Variants in KBTBD12 observed in about 807,000 individuals in gnomAD.
KBTBD12 encodes kelch repeat and BTB domain containing 12.
In KBTBD12, 53 loss-of-function variants were observed where a neutral mutation model predicts 58.7. That is an observed-to-expected ratio of 0.90 (90% CI 0.72 to 1.14). The LOEUF is 1.14. Ranked by LOEUF, KBTBD12 falls within the 50% of genes most tolerant of loss-of-function variation. KBTBD12 has a pLI of 0.00. For synonymous variants in KBTBD12, 236 were observed against 259.8 expected (o/e 0.91, Z 0.88); for missense variants, 704 against 751.3 (o/e 0.94, Z 0.74).
intron 5 of KBTBD12, among the ~76,000 whole-genome samples, chr3:127,966,378 A>G (rs191375215): frequency 5.3e-5 from 8 of 152,376 alleles, no homozygotes; most frequent in Non-Finnish European, 7.3e-5. Flanking sequence ...GAGGAAGTGC[A>G]TAGATGAAAG....
chr3:127,931,288 C>A (rs967888773), intron 4 of KBTBD12, among the ~76,000 whole-genome samples: 8 of 152,074 alleles, frequency 5.3e-5, no homozygotes, highest in Admixed American at 1.3e-4. Flanking sequence ...TGCACTCAAG[C>A]ATTAGTAGTT....
chr3:127,936,022 A>G (rs1456012523), intron 4 of KBTBD12, among the ~76,000 whole-genome samples: 6 of 152,196 alleles, frequency 3.9e-5, no homozygotes, highest in Admixed American at 3.9e-4. Flanking sequence ...AAATATATCA[A>G]TTATAAACGT....
chr3:127,941,694 G>A (rs529329437), intron 4 of KBTBD12, among the ~76,000 whole-genome samples: 7 of 152,158 alleles, frequency 4.6e-5, no homozygotes, highest in African/African-American at 9.6e-5. Context: ...GGAATCTTTC[G>A]GGTTCAAGCA....
intron 4 of KBTBD12, among the ~76,000 whole-genome samples, chr3:127,945,885 G>C (rs1429931643): frequency 6.6e-6 from 1 of 151,838 alleles, no homozygotes; most frequent in Non-Finnish European, 1.5e-5. Context: ...CACCATGTTG[G>C]CCAGGCTGGT....
At chr3:127,928,111 T>A (rs758860869) in intron 3 of KBTBD12, 77 bp downstream of exon 3, 1 of 1,250,234 alleles carries the variant, frequency 8.0e-7, no homozygotes. Context: ...GTTGTAGTTG[T>A]TGAATGCTAA....
At chr3:127,953,824 T>G (rs1420406275) in intron 4 of KBTBD12, among the ~76,000 whole-genome samples, 2 of 152,362 alleles carry the variant, frequency 1.3e-5, no homozygotes, top group East Asian at 3.9e-4. Context: ...CCATTGCTCA[T>G]GTGGTTACAT....
At chr3:127,931,231 G>T (rs1417000929) in intron 4 of KBTBD12, among the ~76,000 whole-genome samples, 1 of 151,852 alleles carries the variant, frequency 6.6e-6, no homozygotes. Context: ...ACTGAAGGGA[G>T]GCCATTATCT....
At chr3:127,936,738 G>C (rs7643395) in intron 4 of KBTBD12, among the ~76,000 whole-genome samples, 91,102 of 151,882 alleles carry the variant, frequency 0.6, 28,524 homozygotes, top group African/African-American at 0.78. Context: ...AGTTACTATG[G>C]ACATAAAGCT....
chr3:127,933,324 C>CT (rs896468759), intron 4 of KBTBD12, among the ~76,000 whole-genome samples: 12 of 151,710 alleles, frequency 7.9e-5, no homozygotes, highest in South Asian at 2.1e-4. Context: ...AAACTAGCAG[C>CT]TTTTTTTTGC....
intron 4 of KBTBD12, among the ~76,000 whole-genome samples, chr3:127,950,140 C>T (rs936798409): frequency 6.6e-6 from 1 of 152,006 alleles, no homozygotes; most frequent in Non-Finnish European, 1.5e-5. Context: ...TTTAACTTGA[C>T]ACAGTAATAT....
chr3:127,950,983 C>T (rs1272767903), intron 4 of KBTBD12, among the ~76,000 whole-genome samples: 1 of 152,056 alleles, frequency 6.6e-6, no homozygotes, highest in Admixed American at 6.5e-5. Flanking sequence ...GAGCCAAGAT[C>T]GCACCATGCA....
intron 4 of KBTBD12, among the ~76,000 whole-genome samples, chr3:127,933,925 C>T (rs148515535): frequency 1.3e-3 from 194 of 152,068 alleles, no homozygotes; most frequent in Admixed American, 2.3e-3. Context: ...AGTCAAAAAA[C>T]GGAAAAGAAA....
chr3:127,963,840 G>A (rs1393050565), intron 5 of KBTBD12: 1 of 153,880 alleles, frequency 6.5e-6, no homozygotes, highest in East Asian at 1.9e-4. Flanking sequence ...AATGGGAAGA[G>A]TAGCTGAAAG....
chr3:127,916,314 C>T (rs1397193758), intron 1 of KBTBD12, among the ~76,000 whole-genome samples: 1 of 152,064 alleles, frequency 6.6e-6, no homozygotes, highest in Non-Finnish European at 1.5e-5. Context: ...TAGGGTGGTG[C>T]GTGTGTTCTC....
chr3:127,972,278 C>T lies in KBTBD12; in HGVS notation c.1690+8892C>T, dbSNP rs572387885. 9.8e-4 allele frequency among the ~76,000 whole-genome samples: 149 copies of T among 152,282 alleles called. 3 individuals are homozygous for T. Among genetic ancestry groups the T allele is most frequent in the Non-Finnish European group, 5.1e-4 (35 of 68,018 alleles). ...TGGGATTCAAAGTTAGATAGTCTGG[C>T]CCCAAAGTCTATATTTTTAGCAGTA... On this transcript the variant is annotated intron_variant, in intron 5 of 5. Transcript: ENST00000405109.
At chr3:127,972,022 A>G (rs1332339995) in intron 5 of KBTBD12, among the ~76,000 whole-genome samples, 1 of 152,246 alleles carries the variant, frequency 6.6e-6, no homozygotes, top group Non-Finnish European at 1.5e-5. Context: ...TATCAGAAAG[A>G]GAAAATGCAC....
intron 5 of KBTBD12, among the ~76,000 whole-genome samples, chr3:127,965,813 A>G (rs1170419524): frequency 6.6e-6 from 1 of 152,234 alleles, no homozygotes; most frequent in Non-Finnish European, 1.5e-5. Flanking sequence ...AGAGACAGGA[A>G]AATAGCAACA....
chr3:127,939,146 T>A (rs1021725837), intron 4 of KBTBD12, among the ~76,000 whole-genome samples: 11 of 152,142 alleles, frequency 7.2e-5, no homozygotes, highest in African/African-American at 2.7e-4. Context: ...TACATCTCAA[T>A]ACCTAGACAA....
chr3:127,951,529 G>A (rs559004563), intron 4 of KBTBD12, among the ~76,000 whole-genome samples: 1 of 152,206 alleles, frequency 6.6e-6, no homozygotes, highest in Non-Finnish European at 1.5e-5. Context: ...TGATTCCAGA[G>A]TCATGGTCAC....
Sources: gnomAD v4.1 joint callset for allele counts (sites outside exome capture counted in the v4.1 genomes callset) on GRCh38, gnomAD v4.1.1 for gene constraint, MANE v1.5 for transcripts, NCBI Gene and HGNC (gene_info 2026-07-23, HGNC 2026-07-21) for gene names.